XYLT1: variants seen among roughly 807,000 people sequenced by gnomAD.
XYLT1 encodes xylosyltransferase 1.
In XYLT1, 36 loss-of-function variants were observed where a neutral mutation model predicts 91.3. That is an observed-to-expected ratio of 0.39 (90% CI 0.30 to 0.52). The LOEUF is 0.52. Ranked by LOEUF, XYLT1 falls within the 20% of genes least tolerant of loss-of-function variation. XYLT1 has a pLI of 0.68. For missense variants in XYLT1, 1,242 were observed against 1,284.5 expected, an observed-to-expected ratio of 0.97 and a Z score of 0.51; for synonymous variants, 588 against 532.0, an observed-to-expected ratio of 1.11 and a Z score of -1.45.
intron 2 of XYLT1, among the ~76,000 whole-genome samples, chr16:17,300,695 G>A (rs1417930734): frequency 6.6e-6 from 1 of 151,898 alleles, no homozygotes; most frequent in Non-Finnish European, 1.5e-5. Flanking sequence ...CCTGGGCTCA[G>A]ATGACTGCCC....
At position 17,154,219 on chromosome 16, in the gene XYLT1, C is replaced by T. The variant is rs140171973; in HGVS notation, c.1370+4610G>A. Among the ~76,000 whole-genome samples the T allele has an allele frequency of 4.4e-3, 669 of 152,306 alleles. 7 individuals are homozygous for T. Among genetic ancestry groups the T allele is most frequent in the African/African-American group, 0.016 (647 of 41,566 alleles). ...AAACAGAGGCATGGCCTGTCGAAGC[C>T]ATTTGCTGACATCCCATGGCTGTGG... On this transcript the variant is annotated intron_variant, in intron 6 of 11. Coordinates refer to ENST00000261381, the MANE Select transcript of XYLT1 (RefSeq NM_022166.4).
At chr16:17,216,166 C>A (rs991328701) in intron 3 of XYLT1, among the ~76,000 whole-genome samples, 1 of 152,194 alleles carries the variant, frequency 6.6e-6, no homozygotes, top group Non-Finnish European at 1.5e-5. Flanking sequence ...TTGACATTTT[C>A]ATCTCTGCCC....
intron 5 of XYLT1, among the ~76,000 whole-genome samples, chr16:17,174,720 T>A (rs1228286698): frequency 1.3e-5 from 2 of 152,210 alleles, no homozygotes; most frequent in Non-Finnish European, 2.9e-5. Context: ...TATACCATTG[T>A]GAATGTATTA....
At chr16:17,239,954 A>C (rs1253223040) in intron 3 of XYLT1, among the ~76,000 whole-genome samples, 1 of 152,226 alleles carries the variant, frequency 6.6e-6, no homozygotes, top group East Asian at 1.9e-4. Flanking sequence ...CATCCAGTGT[A>C]TCTACTTAGT....
intron 2 of XYLT1, among the ~76,000 whole-genome samples, chr16:17,346,175 A>G (rs2035141576): frequency 1.3e-5 from 2 of 152,164 alleles, no homozygotes; most frequent in Admixed American, 1.3e-4. Context: ...AAGGTCTCAC[A>G]GCAGCTAAGT....
chr16:17,455,720 G>A (rs1205410904), intron 1 of XYLT1, among the ~76,000 whole-genome samples: 2 of 152,136 alleles, frequency 1.3e-5, no homozygotes, highest in African/African-American at 2.4e-5. Flanking sequence ...ATCAGAATCC[G>A]GCCAGGCTAT....
Position 17,441,088 on chromosome 16 carries a change from T to C in XYLT1, c.363+29346A>G, listed in dbSNP as rs1294037053. 2.6e-5 allele frequency among the ~76,000 whole-genome samples: 4 copies of C among 151,978 alleles called. No individual in the cohort carries two copies. In the South Asian group the frequency reaches 8.3e-4, roughly 32 times the overall value. Reference sequence around the variant, plus strand: ...AAAATTATCATTAATTTTTTTGAGATGTATTCTTGCTTTGTCACCCAGGCT... The same window carrying C: ...AAAATTATCATTAATTTTTTTGAGACGTATTCTTGCTTTGTCACCCAGGCT... On this transcript the variant is annotated intron_variant, in intron 1 of 11. Coordinates refer to ENST00000261381, the MANE Select transcript of XYLT1 (RefSeq NM_022166.4).
At chr16:17,217,141 C>T (rs1383089924) in intron 3 of XYLT1, among the ~76,000 whole-genome samples, 1 of 152,200 alleles carries the variant, frequency 6.6e-6, no homozygotes, top group East Asian at 1.9e-4. Flanking sequence ...AGATCCCTCT[C>T]CCTGCAATGA....
chr16:17,198,000 G>T, intron 5 of XYLT1: 1 of 610,894 alleles, frequency 1.6e-6, no homozygotes, highest in Non-Finnish European at 2.9e-6. Flanking sequence ...TCAGCTAATA[G>T]AGCTGGGAAA....
At chr16:17,376,669 A>C (rs2035605158) in intron 1 of XYLT1, among the ~76,000 whole-genome samples, 2 of 152,000 alleles carry the variant, frequency 1.3e-5, no homozygotes, top group Non-Finnish European at 1.5e-5. Flanking sequence ...TCCACTAAAA[A>C]CACAAATATT....
chr16:17,129,090 A>AAC (rs2030373905), intron 9 of XYLT1, among the ~76,000 whole-genome samples: 1 of 137,862 alleles, frequency 7.3e-6, no homozygotes, highest in Non-Finnish European at 1.6e-5. Flanking sequence ...AAAAAAAAAA[A>AAC]AAAAAAACTT....
At chr16:17,367,334 A>G (rs2035468449) in intron 1 of XYLT1, among the ~76,000 whole-genome samples, 1 of 152,176 alleles carries the variant, frequency 6.6e-6, no homozygotes, top group Admixed American at 6.5e-5. Flanking sequence ...CATGCCGCAA[A>G]TCTTTCTAAA....
rs1158178087 is a variant in XYLT1, at chr16:17,191,941, A to G, written c.1289+6271T>C. Among the ~76,000 whole-genome samples the G allele has an allele frequency of 3.3e-5, 5 of 152,134 alleles. No homozygotes were observed. In the East Asian group the frequency reaches 5.8e-4, roughly 18 times the overall value. ...TTTCTGTATACATACACTGCCCCAC[A>G]TGTGCAAACGTGTGTACACACCACA... On this transcript the variant is annotated intron_variant, in intron 5 of 11. Coordinates refer to ENST00000261381, the MANE Select transcript of XYLT1 (RefSeq NM_022166.4).
At chr16:17,292,079 CAT>C (rs1419345768) in intron 2 of XYLT1, among the ~76,000 whole-genome samples, 1 of 107,876 alleles carries the variant, frequency 9.3e-6, no homozygotes, top group African/African-American at 4.1e-5. Context: ...CCCACTAAAC[CAT>C]ACACACACAC....
At chr16:17,142,930 C>A (rs770210316) in intron 6 of XYLT1, among the ~76,000 whole-genome samples, 31 of 152,180 alleles carry the variant, frequency 2.0e-4, no homozygotes, top group Non-Finnish European at 3.5e-4. Flanking sequence ...AAAAAGATAT[C>A]ATTTTCTTCT....
chr16:17,122,849 T>C (rs1179372642), intron 10 of XYLT1, among the ~76,000 whole-genome samples: 1 of 152,218 alleles, frequency 6.6e-6, no homozygotes, highest in Non-Finnish European at 1.5e-5. Flanking sequence ...GGTGTTCTTT[T>C]CCCACTTTGT....
At chr16:17,371,982 A>T (rs1001433649) in intron 1 of XYLT1, among the ~76,000 whole-genome samples, 1 of 152,200 alleles carries the variant, frequency 6.6e-6, no homozygotes, top group Non-Finnish European at 1.5e-5. Flanking sequence ...TTGTTTGCTG[A>T]GTATCCCTAA....
At chr16:17,367,367 G>T (rs1009737361) in intron 1 of XYLT1, among the ~76,000 whole-genome samples, 4 of 152,180 alleles carry the variant, frequency 2.6e-5, no homozygotes, top group Non-Finnish European at 5.9e-5. Context: ...GGCTGTGTTT[G>T]AACACACATC....
intron 6 of XYLT1, among the ~76,000 whole-genome samples, chr16:17,157,256 T>C (rs1372857689): frequency 2.0e-5 from 3 of 152,152 alleles, no homozygotes; most frequent in East Asian, 1.9e-4. Context: ...GCCAGATTAC[T>C]TCTTTAAAGC....
Sources: gnomAD v4.1 joint callset for allele counts (sites outside exome capture counted in the v4.1 genomes callset) on GRCh38, gnomAD v4.1.1 for gene constraint, MANE v1.5 for transcripts, NCBI Gene and HGNC (gene_info 2026-07-23, HGNC 2026-07-21) for gene names.